Variants in CNTN5 observed in about 807,000 individuals in gnomAD.
The protein encoded by CNTN5 is contactin 5.
CNTN5 carries 77 observed loss-of-function variants against 129.1 expected under a neutral mutation model. The observed-to-expected ratio is 0.60, with a 90% CI of 0.50 to 0.72. CNTN5 has a LOEUF of 0.72. CNTN5 is among the 30% of genes least tolerant of loss of function. CNTN5 has a pLI of 0.00. For synonymous variants in CNTN5, 509 were observed against 465.6 expected (o/e 1.09, Z -1.20); for missense variants, 1,478 against 1,328.8 (o/e 1.11, Z -1.75).
chr11:99,710,593 GTGTGTGTGTA>G (rs1394835567), intron 3 of CNTN5, among the ~76,000 whole-genome samples: 61 of 141,488 alleles, frequency 4.3e-4, no homozygotes, highest in Middle Eastern at 3.8e-3. Flanking sequence ...GTGTGTGTGT[GTGTGTGTGTA>G]TGTATGTATG....
intron 7 of CNTN5, among the ~76,000 whole-genome samples, chr11:99,921,716 T>C (rs67434494): frequency 0.31 from 46,722 of 152,022 alleles, 8,339 homozygotes; most frequent in South Asian, 0.4. Context: ...TATTACCCCA[T>C]TGCCTAGGAC....
At chr11:100,142,254 G>A (rs1454620309) in intron 13 of CNTN5, among the ~76,000 whole-genome samples, 1 of 152,266 alleles carries the variant, frequency 6.6e-6, no homozygotes, top group East Asian at 1.9e-4. Flanking sequence ...GGACTTGTCA[G>A]CCTCCATAAT....
At chr11:99,232,314 C>G (rs1378165710) in intron 1 of CNTN5, among the ~76,000 whole-genome samples, 1 of 152,096 alleles carries the variant, frequency 6.6e-6, no homozygotes, top group African/African-American at 2.4e-5. Flanking sequence ...TTTCTTTCCT[C>G]TCTTATTTCC....
At chr11:99,055,757 C>T (rs180836448) in intron 1 of CNTN5, among the ~76,000 whole-genome samples, 4 of 151,918 alleles carry the variant, frequency 2.6e-5, no homozygotes, top group African/African-American at 9.7e-5. Flanking sequence ...TGCATGCTGC[C>T]CCTAAGCTTA....
At chr11:99,602,591 A>C (rs899886919) in intron 3 of CNTN5, among the ~76,000 whole-genome samples, 1 of 152,162 alleles carries the variant, frequency 6.6e-6, no homozygotes, top group Non-Finnish European at 1.5e-5. Flanking sequence ...TTTAAGGAAA[A>C]CAACACATGG....
intron 7 of CNTN5, among the ~76,000 whole-genome samples, chr11:99,936,360 C>T (rs551418436): frequency 1.1e-4 from 16 of 152,304 alleles, no homozygotes; most frequent in African/African-American, 3.6e-4. Flanking sequence ...ATACAATTTT[C>T]TCTTTCTTTC....
At chr11:99,651,802 A>C (rs1259167336) in intron 3 of CNTN5, among the ~76,000 whole-genome samples, 1 of 152,040 alleles carries the variant, frequency 6.6e-6, no homozygotes, top group Non-Finnish European at 1.5e-5. Flanking sequence ...AAAAATCCTC[A>C]TCTCAAGATA....
chr11:99,215,698 G>C (rs1860080373), intron 1 of CNTN5, among the ~76,000 whole-genome samples: 1 of 152,140 alleles, frequency 6.6e-6, no homozygotes. Context: ...CAGTACCTCA[G>C]AAAGGCAGCT....
Position 99,278,026 on chromosome 11 carries a change from AC to A in CNTN5, c.-209-47319del, listed in dbSNP as rs1329955986. Among the ~76,000 whole-genome samples the A allele has an allele frequency of 2.6e-5, 4 of 151,702 alleles. No individual in the cohort carries two copies. The East Asian group carries it at 7.8e-4, about 29-fold the overall frequency. On this transcript the variant is annotated intron_variant, in intron 1 of 24. Coordinates refer to ENST00000524871, the MANE Select transcript of CNTN5 (RefSeq NM_014361.4). ...ACGGGTTTCAAATACAAAATAATTC[AC>A]GTAAGTTGTTTTTACACAAAGAAAG... is the stretch of plus-strand genomic sequence containing the variant.
intron 1 of CNTN5, among the ~76,000 whole-genome samples, chr11:99,091,680 G>C (rs960335171): frequency 2.0e-5 from 3 of 152,138 alleles, no homozygotes; most frequent in African/African-American, 7.2e-5. Flanking sequence ...CAGAGGAAGG[G>C]AACTTACTTT....
intron 3 of CNTN5, among the ~76,000 whole-genome samples, chr11:99,564,729 C>CT (rs1383152833): frequency 6.6e-6 from 1 of 151,912 alleles, no homozygotes; most frequent in African/African-American, 2.4e-5. Flanking sequence ...TTTGAGAATT[C>CT]TTTTTTTGGA....
At chr11:100,315,919 A>G (rs943341604) in intron 21 of CNTN5, among the ~76,000 whole-genome samples, 8 of 152,150 alleles carry the variant, frequency 5.3e-5, no homozygotes, top group African/African-American at 1.9e-4. Context: ...TGAAAATTGA[A>G]AGTGGGCTGT....
intron 2 of CNTN5, among the ~76,000 whole-genome samples, chr11:99,517,605 A>G (rs897492716): frequency 1.3e-5 from 2 of 151,970 alleles, no homozygotes; most frequent in African/African-American, 4.8e-5. Context: ...ATGTCTGAGT[A>G]TTTTCTCACC....
intron 13 of CNTN5, among the ~76,000 whole-genome samples, chr11:100,081,145 T>C (rs1034071397): frequency 9.9e-5 from 15 of 152,140 alleles, no homozygotes; most frequent in African/African-American, 3.6e-4. Flanking sequence ...AGAATGCTAA[T>C]TTTTTATTAG....
intron 1 of CNTN5, among the ~76,000 whole-genome samples, chr11:99,239,829 C>A (rs1027611552): frequency 6.6e-6 from 1 of 150,468 alleles, no homozygotes; most frequent in Non-Finnish European, 1.5e-5. Flanking sequence ...CCCAGCTACT[C>A]GGGAGGCTGA....
chr11:99,764,431 T>G (rs886140194), intron 3 of CNTN5, among the ~76,000 whole-genome samples: 1 of 152,126 alleles, frequency 6.6e-6, no homozygotes, highest in Non-Finnish European at 1.5e-5. Flanking sequence ...TTTTTTGTTT[T>G]TGAGATGGAG....
chr11:100,287,314 C>T (rs1354961955), intron 18 of CNTN5, among the ~76,000 whole-genome samples: 150 of 151,340 alleles, frequency 9.9e-4, no homozygotes, highest in African/African-American at 3.4e-3. Context: ...GTCAGATTCA[C>T]CAAAGTTGAA....
chr11:100,286,966 C>A (rs1950810106), intron 18 of CNTN5, among the ~76,000 whole-genome samples: 1 of 151,982 alleles, frequency 6.6e-6, no homozygotes, highest in African/African-American at 2.4e-5. Flanking sequence ...AATGCAGAAG[C>A]CTCAGGAGCC....
intron 6 of CNTN5, among the ~76,000 whole-genome samples, chr11:99,864,483 C>T (rs533672308): frequency 6.6e-6 from 1 of 152,182 alleles, no homozygotes; most frequent in East Asian, 1.9e-4. Context: ...CCTTGGCTGC[C>T]ACCTTGGACT....
Sources: allele counts gnomAD v4.1 joint callset (sites outside exome capture counted in the v4.1 genomes callset), GRCh38; gene constraint gnomAD v4.1.1; transcripts MANE v1.5; gene names NCBI Gene and HGNC (gene_info 2026-07-23, HGNC 2026-07-21).